Variants in CHD6 observed in about 807,000 individuals in gnomAD.
CHD6 encodes chromodomain helicase DNA binding protein 6.
In CHD6, 50 loss-of-function variants were observed where a neutral mutation model predicts 276.9. The ratio of observed to expected loss-of-function variants is 0.18; its 90% CI spans 0.14 to 0.23. CHD6 has a LOEUF of 0.23. CHD6 is among the 10% of genes least tolerant of loss of function. The pLI, the probability that CHD6 is intolerant of heterozygous loss-of-function variation, is 1.00. For missense variants in CHD6, 2,564 were observed against 3,365.8 expected (o/e 0.76, Z 5.89); for synonymous variants, 1,173 against 1,229.3 (o/e 0.95, Z 0.96).
intron 17 of CHD6, among the ~76,000 whole-genome samples, chr20:41,464,553 G>A (rs1006267872): frequency 1.3e-5 from 2 of 152,320 alleles, no homozygotes; most frequent in African/African-American, 4.8e-5. Flanking sequence ...AGGAAGAGGA[G>A]GAGACTATAA....
At chr20:41,616,674 G>C (rs1417997088) in intron 1 of CHD6, among the ~76,000 whole-genome samples, 1 of 152,182 alleles carries the variant, frequency 6.6e-6, no homozygotes, top group Non-Finnish European at 1.5e-5. Context: ...CAAGGCCTTT[G>C]GTTATAAAGA....
chr20:41,613,416 A>C (rs1175310676), intron 1 of CHD6, among the ~76,000 whole-genome samples: 1 of 152,260 alleles, frequency 6.6e-6, no homozygotes, highest in Non-Finnish European at 1.5e-5. Context: ...AGAGAGGCTG[A>C]GGACCCTCTA....
intron 1 of CHD6, chr20:41,614,718 T>C (rs947360512): frequency 1.3e-5 from 2 of 152,210 alleles, no homozygotes; most frequent in African/African-American, 4.8e-5. Flanking sequence ...CCTTCAGGAC[T>C]TTTATGGAAG....
At chr20:41,578,682 G>C (rs1430833288) in intron 1 of CHD6, among the ~76,000 whole-genome samples, 1 of 129,022 alleles carries the variant, frequency 7.8e-6, no homozygotes, top group Non-Finnish European at 1.5e-5. Context: ...GACAAAGTGA[G>C]ACTCCGTCTC....
At chr20:41,514,381 C>T (rs1328109201) in intron 4 of CHD6, among the ~76,000 whole-genome samples, 3 of 152,214 alleles carry the variant, frequency 2.0e-5, no homozygotes, top group Non-Finnish European at 2.9e-5. Context: ...TTTGGCCAAA[C>T]CTTCCTTACT....
At chr20:41,599,479 T>C (rs1390658522) in intron 1 of CHD6, among the ~76,000 whole-genome samples, 5 of 152,156 alleles carry the variant, frequency 3.3e-5, no homozygotes, top group Admixed American at 2.6e-4. Flanking sequence ...CTCATTCTTG[T>C]AGGTTGCTGC....
chr20:41,593,748 G>T (rs1601178162), intron 1 of CHD6, among the ~76,000 whole-genome samples: 1 of 151,988 alleles, frequency 6.6e-6, no homozygotes. Flanking sequence ...CAATATGACT[G>T]GTATCCTTAC....
At position 41,404,350 on chromosome 20, in the gene CHD6, A is replaced by G; in HGVS notation, c.*243T>C. 3.3e-6 allele frequency: 4 copies of G among 1,219,244 alleles called. No homozygotes were observed. The highest frequency in any genetic ancestry group is 4.1e-6 in the Non-Finnish European group (4 of 977,852). 75.5% of individuals were successfully genotyped at this position (1,219,244 alleles called of 1,614,324 possible). A position where few individuals can be genotyped will look rare whatever the true frequency, so the allele number is the denominator to read the frequency against. On this transcript the variant is annotated 3_prime_UTR_variant, in exon 37 of 37. Transcript: ENST00000373233. The stretch of plus-strand genomic sequence containing the variant: ...GTACTGTATTAACTATGATTGCTGG[A>G]ATGAACTGGATAACAGAATGAGAAT...
chr20:41,476,249 CTG>C (rs1332513245), intron 16 of CHD6, among the ~76,000 whole-genome samples: 2 of 152,088 alleles, frequency 1.3e-5, no homozygotes, highest in Non-Finnish European at 2.9e-5. Context: ...TCTGTGACAA[CTG>C]TATTTTTAAC....
chr20:41,562,560 T>C (rs1212488178), intron 1 of CHD6, among the ~76,000 whole-genome samples: 1 of 152,126 alleles, frequency 6.6e-6, no homozygotes, highest in Non-Finnish European at 1.5e-5. Context: ...ATACGGCAAT[T>C]TGTAAATTAG....
chr20:41,555,003 C>T lies in CHD6; in HGVS notation c.-23-3643G>A, dbSNP rs1177532946. ...CTCCCGGACGGGGCGGCTGGCCGGG[C>T]GGGGGGCTGACCCCCCCACCTCCCT... is the stretch of plus-strand genomic sequence containing the variant. On this transcript the variant is annotated intron_variant, in intron 1 of 36. Coordinates refer to ENST00000373233, the MANE Select transcript of CHD6 (RefSeq NM_032221.5). Among the ~76,000 whole-genome samples the T allele has an allele frequency of 6.6e-4, 93 of 141,100 alleles. 2 individuals are homozygous for T. The highest frequency in any genetic ancestry group is 1.7e-3 in the African/African-American group (64 of 38,000). The allele number at this position is 141,100 out of a possible 152,430, so 92.6% of individuals were successfully genotyped here. A position where few individuals can be genotyped will look rare whatever the true frequency, so the allele number is the denominator to read the frequency against.
chr20:41,609,875 G>A (rs1455305377), intron 1 of CHD6, among the ~76,000 whole-genome samples: 1 of 23,938 alleles, frequency 4.2e-5, no homozygotes, highest in Non-Finnish European at 9.4e-5. Flanking sequence ...TTTTTTTTTT[G>A]AGATGGAGTC....
intron 1 of CHD6, among the ~76,000 whole-genome samples, chr20:41,608,896 GC>G (rs2045856940): frequency 3.3e-5 from 5 of 152,190 alleles, no homozygotes; most frequent in Admixed American, 6.5e-5. Flanking sequence ...CACAGGGAGA[GC>G]TCTGCTACAT....
rs751582553 is a variant in CHD6 at position 41,512,994 on chromosome 20, T to A, written c.704A>T (p.Lys235Ile). 6.2e-7 allele frequency: 1 copy of A among 1,614,010 alleles called. No individual in the cohort carries two copies. The highest frequency in any genetic ancestry group is 1.1e-5 in the South Asian group (1 of 91,062). Residue 235 changes from lysine to isoleucine, a missense_variant and splice_region_variant, in exon 5 of 37, where the codon AAA becomes ATA. Physicochemically the swap from Lys to Ile is moderately radical, Grantham distance 102. Coordinates refer to ENST00000373233, the MANE Select transcript of CHD6 (RefSeq NM_032221.5). The stretch of plus-strand genomic sequence containing the variant: ...CTTTACTTGCCTTCCCGAGCGTCGT[T>A]TCTGTAGGGCAAACACACCCGTCAG... ...EESTESTDSQ[K>I]RRSGRQVKRR...
At chr20:41,491,490 T>C (rs1600996581) in intron 11 of CHD6, among the ~76,000 whole-genome samples, 2 of 149,248 alleles carry the variant, frequency 1.3e-5, no homozygotes, top group African/African-American at 4.9e-5. Context: ...ACAAAGTCAG[T>C]GATGTCTAAA....
At chr20:41,464,685 T>C (rs1032107141) in intron 17 of CHD6, among the ~76,000 whole-genome samples, 2 of 152,190 alleles carry the variant, frequency 1.3e-5, no homozygotes, top group Non-Finnish European at 1.5e-5. Context: ...CCTAGCTCCA[T>C]GTGCACAGAG....
At chr20:41,514,724 T>A (rs140559787) in intron 4 of CHD6, 81 bp downstream of exon 4, 2 of 1,498,856 alleles carry the variant, frequency 1.3e-6, no homozygotes, top group African/African-American at 1.4e-5. Context: ...GAGAAAGGCA[T>A]AGAGGAGCAA....
Position 41,404,427 on chromosome 20 carries a change from C to T in CHD6, c.*166G>A. On this transcript the variant is annotated 3_prime_UTR_variant, in exon 37 of 37. Transcript: ENST00000373233. ...ACACTTATCTAATGAAGTGGTGAGA[C>T]CCTGCAACTATTAACATCTGTTACC... 1 of 1,322,196 alleles carries T rather than the reference C, an allele frequency of 7.6e-7. No homozygotes were observed. The highest frequency in any genetic ancestry group is 3.5e-5 in the Admixed American group (1 of 28,284). The allele number at this position is 1,322,196 out of a possible 1,614,324, so 81.9% of individuals were successfully genotyped here.
At chr20:41,608,431 A>T (rs2045852149) in intron 1 of CHD6, among the ~76,000 whole-genome samples, 1 of 152,230 alleles carries the variant, frequency 6.6e-6, no homozygotes, top group African/African-American at 2.4e-5. Context: ...TTTAGAGAAC[A>T]TTAAGAAAAT....
Sources: gnomAD v4.1 joint callset for allele counts (sites outside exome capture counted in the v4.1 genomes callset) on GRCh38, gnomAD v4.1.1 for gene constraint, MANE v1.5 for transcripts, NCBI Gene and HGNC (gene_info 2026-07-23, HGNC 2026-07-21) for gene names.